EML5: variants seen among roughly 807,000 people sequenced by gnomAD.
EML5 encodes EMAP like 5, also known as echinoderm microtubule-associated protein-like 5.
A neutral mutation model predicts 250.0 loss-of-function variants in EML5; 120 were observed. The ratio of observed to expected loss-of-function variants is 0.48; its 90% CI spans 0.41 to 0.56. The LOEUF (loss-of-function observed/expected upper bound fraction) is 0.56, where lower values mean the gene tolerates loss of function less well. Among genes scored for constraint, EML5 ranks in the 20% least tolerant of loss-of-function variants. The pLI is 0.00. For synonymous variants in EML5, 771 were observed against 806.5 expected (o/e 0.96, Z 0.75); for missense variants, 2,006 against 2,437.6 (o/e 0.82, Z 3.73).
intron 28 of EML5, among the ~76,000 whole-genome samples, chr14:88,648,771 A>G (rs1171131784): frequency 6.6e-6 from 1 of 152,124 alleles, no homozygotes; most frequent in African/African-American, 2.4e-5. Flanking sequence ...AGTACTGAGT[A>G]AGCTATTCTA....
intron 14 of EML5, among the ~76,000 whole-genome samples, chr14:88,698,041 T>C (rs539334085): frequency 1.3e-5 from 2 of 152,240 alleles, no homozygotes; most frequent in African/African-American, 4.8e-5. Context: ...CTGGCCGAGA[T>C]TGATTTTATA....
chr14:88,687,136 T>C, intron 19 of EML5, 80 bp downstream of exon 19: 1 of 1,081,724 alleles, frequency 9.2e-7, no homozygotes, highest in Non-Finnish European at 1.4e-6. Context: ...ATGCCATGTG[T>C]TCCACCTCAG....
Position 88,620,888 on chromosome 14 carries a change from A to G in EML5, c.5241T>C (p.Arg1747=). 1 of 1,550,040 alleles carries G rather than the reference A, an allele frequency of 6.5e-7. No homozygotes were observed. ...LNKVNLGHAA[R]TVCYSPEGDM... is the part of the protein sequence containing the mutation. ...CCCCTTCAGGGCTGTAACACACAGT[A>G]CGAGCAGCATGTCCCAAATTCACTT... The change falls in exon 39 of 44, where the codon CGT becomes CGC. Residue 1747 remains arginine (R), a synonymous_variant. Coordinates refer to ENST00000554922, the MANE Select transcript of EML5 (RefSeq NM_183387.3). The surrounding 1 kb of genome is among the most constrained non-coding windows in gnomAD (Gnocchi z 4.3).
At chr14:88,753,624 T>C (rs2094126125) in intron 2 of EML5, among the ~76,000 whole-genome samples, 1 of 152,122 alleles carries the variant, frequency 6.6e-6, no homozygotes, top group Non-Finnish European at 1.5e-5. Flanking sequence ...GGTATAACAA[T>C]TTCCATAAAA....
At chr14:88,725,799 C>T (rs191734299) in intron 8 of EML5, among the ~76,000 whole-genome samples, 1 of 152,050 alleles carries the variant, frequency 6.6e-6, no homozygotes, top group African/African-American at 2.4e-5. Context: ...CACAAGAGTA[C>T]AATGGTGAGA....
chr14:88,714,858 T>A, intron 9 of EML5, 81 bp downstream of exon 9: 1 of 1,362,154 alleles, frequency 7.3e-7, no homozygotes. Flanking sequence ...TATGATCAAA[T>A]GTAACTTACA....
At chr14:88,785,012 T>C (rs1323539839) in intron 1 of EML5, among the ~76,000 whole-genome samples, 2 of 152,054 alleles carry the variant, frequency 1.3e-5, no homozygotes, top group Non-Finnish European at 2.9e-5. Flanking sequence ...TAGTCAGCCA[T>C]AAAAAAACGA....
intron 10 of EML5, among the ~76,000 whole-genome samples, chr14:88,709,334 G>A (rs2093367573): frequency 6.6e-6 from 1 of 151,184 alleles, no homozygotes; most frequent in South Asian, 2.1e-4. Flanking sequence ...ACTGGGAAAA[G>A]ATATTTGCAA....
chr14:88,661,539 T>C, intron 25 of EML5, 115 bp downstream of exon 25: 1 of 932,604 alleles, frequency 1.1e-6, no homozygotes, highest in Non-Finnish European at 1.6e-6. Flanking sequence ...CCTTTCATAT[T>C]ACAACATTAC....
intron 36 of EML5, 49 bp downstream of exon 36, chr14:88,624,921 A>T: frequency 6.3e-7 from 1 of 1,597,620 alleles, no homozygotes; most frequent in Non-Finnish European, 8.5e-7. Context: ...TGCAAACCTC[A>T]GGTAGGTCAC....
intron 27 of EML5, among the ~76,000 whole-genome samples, chr14:88,650,858 T>A (rs771312614): frequency 3.2e-4 from 48 of 152,224 alleles, no homozygotes; most frequent in Middle Eastern, 3.4e-3. Flanking sequence ...CCCAGGCTGG[T>A]GCTAAACACC....
intron 8 of EML5, among the ~76,000 whole-genome samples, chr14:88,724,474 G>C (rs1401671728): frequency 6.6e-6 from 1 of 151,816 alleles, no homozygotes; most frequent in Non-Finnish European, 1.5e-5. Context: ...TAGCAATGTT[G>C]GATTCAGGTG....
chr14:88,702,294 G>C (rs1331369411), intron 14 of EML5, among the ~76,000 whole-genome samples, 152 bp downstream of exon 14: 1 of 151,678 alleles, frequency 6.6e-6, no homozygotes, highest in African/African-American at 2.4e-5. Flanking sequence ...AAAAGTTTGG[G>C]GTAAATTTTA....
intron 27 of EML5, 72 bp downstream of exon 27, chr14:88,657,304 C>T: frequency 1.4e-6 from 2 of 1,429,960 alleles, no homozygotes; most frequent in Non-Finnish European, 1.9e-6. Flanking sequence ...TGTAAAAAAG[C>T]CACTTAAATA....
At chr14:88,763,611 C>T (rs1462832752) in intron 1 of EML5, among the ~76,000 whole-genome samples, 1 of 152,164 alleles carries the variant, frequency 6.6e-6, no homozygotes, top group Non-Finnish European at 1.5e-5. Context: ...TTCCAGAACA[C>T]TTCCAAACAA....
chr14:88,616,187 G>A lies in EML5; in HGVS notation c.5852C>T (p.Thr1951Ile). The A allele has an allele frequency of 1.2e-6, 2 of 1,613,922 alleles. No individual in the cohort carries two copies. The highest frequency in any genetic ancestry group is 1.7e-6 in the Non-Finnish European group (2 of 1,179,838). Residue 1951 changes from threonine to isoleucine, a missense_variant, in exon 43 of 44, where the codon ACC (threonine) becomes ATC (isoleucine). Thr to Ile is a moderately conservative substitution (Grantham distance 89). Coordinates refer to ENST00000554922, the MANE Select transcript of EML5 (RefSeq NM_183387.3). ...ACTAACAACATGTCGATCACCACTGGTAAATCGAATATTTGTCACATGGGG... is the reference window on the plus strand; with the variant it reads ...ACTAACAACATGTCGATCACCACTGATAAATCGAATATTTGTCACATGGGG... ...HSPHVTNIRF[T>I]SGDRHVVSAG...
At chr14:88,696,512 GGTAA>G (rs562942985) in intron 15 of EML5, among the ~76,000 whole-genome samples, 28 of 152,132 alleles carry the variant, frequency 1.8e-4, no homozygotes, top group Non-Finnish European at 2.6e-4. Flanking sequence ...GCTATAAAAC[GGTAA>G]GTGAGATCAG....
chr14:88,658,862 A>G (rs923435148), intron 25 of EML5, among the ~76,000 whole-genome samples: 1 of 152,208 alleles, frequency 6.6e-6, no homozygotes, highest in Admixed American at 6.5e-5. Flanking sequence ...ATGCAGATGT[A>G]CTGTTGGAAA....
rs564553160 is a variant in EML5 at position 88,708,339 on chromosome 14, T to C, written c.1658-1913A>G. ...AATTCTCTGTGATTACCCCTTGTGATTATATTTATATAACACTGAAATGTA... is the reference window on the plus strand; with the variant it reads ...AATTCTCTGTGATTACCCCTTGTGACTATATTTATATAACACTGAAATGTA... On this transcript the variant is annotated intron_variant, in intron 10 of 43. Coordinates refer to ENST00000554922, the MANE Select transcript of EML5 (RefSeq NM_183387.3). 3.3e-5 allele frequency among the ~76,000 whole-genome samples: 5 copies of C among 152,218 alleles called. No homozygotes were observed. In the East Asian group the frequency reaches 9.6e-4, roughly 29 times the overall value.
Sources: gnomAD v4.1 joint callset for allele counts (sites outside exome capture counted in the v4.1 genomes callset) on GRCh38, gnomAD v4.1.1 for gene constraint, Gnocchi (gnomAD v3.1) non-coding constraint, MANE v1.5 for transcripts, NCBI Gene and HGNC (gene_info 2026-07-23, HGNC 2026-07-21) for gene names.